MPDZ: variants seen among roughly 807,000 people sequenced by gnomAD.
MPDZ encodes the protein multiple PDZ domain crumbs cell polarity complex component, also known as multiple PDZ domain protein.
MPDZ carries 234 observed loss-of-function variants against 239.1 expected under a neutral mutation model. The observed-to-expected ratio is 0.98, with a 90% CI of 0.88 to 1.09. The LOEUF is 1.09. MPDZ is among the 50% of genes least tolerant of loss of function. MPDZ has a pLI of 0.00. For missense variants in MPDZ, 3,175 were observed against 2,510.0 expected, an observed-to-expected ratio of 1.26 and a Z score of -5.66; for synonymous variants, 1,048 against 881.3, an observed-to-expected ratio of 1.19 and a Z score of -3.35.
intron 7 of MPDZ, among the ~76,000 whole-genome samples, chr9:13,220,820 C>A (rs1397555394): frequency 6.6e-6 from 1 of 151,890 alleles, no homozygotes; most frequent in African/African-American, 2.4e-5. Flanking sequence ...AGATATAAAT[C>A]ATAACAAATG....
chr9:13,190,761 A>C (rs1219977253), intron 15 of MPDZ, among the ~76,000 whole-genome samples: 1 of 152,168 alleles, frequency 6.6e-6, no homozygotes, highest in Non-Finnish European at 1.5e-5. Flanking sequence ...GCATATGGTT[A>C]TTTCATTAAC....
chr9:13,220,492 T>C (rs994187227), intron 7 of MPDZ, among the ~76,000 whole-genome samples: 30 of 152,004 alleles, frequency 2.0e-4, no homozygotes, highest in African/African-American at 6.8e-4. Flanking sequence ...AGCTACAATA[T>C]TGAAGAGTGC....
chr9:13,223,007 A>C (rs1369398415), intron 5 of MPDZ, among the ~76,000 whole-genome samples: 2 of 152,138 alleles, frequency 1.3e-5, no homozygotes, highest in Non-Finnish European at 2.9e-5. Context: ...TTAAAAATAC[A>C]ATATGACTAC....
intron 1 of MPDZ, among the ~76,000 whole-genome samples, chr9:13,272,386 C>T (rs895754079): frequency 3.3e-5 from 5 of 151,970 alleles, no homozygotes; most frequent in South Asian, 2.1e-4. Flanking sequence ...TAGTCTAACC[C>T]GATATATATT....
At chr9:13,121,267 C>T (rs1431361501) in intron 38 of MPDZ, among the ~76,000 whole-genome samples, 1 of 152,066 alleles carries the variant, frequency 6.6e-6, no homozygotes, top group South Asian at 2.1e-4. Context: ...GCTCAGACAC[C>T]TTTTTTCTTG....
At chr9:13,115,593 A>G (rs1318594465) in intron 39 of MPDZ, among the ~76,000 whole-genome samples, 1 of 152,126 alleles carries the variant, frequency 6.6e-6, no homozygotes, top group Non-Finnish European at 1.5e-5. Flanking sequence ...TTGTACCAAA[A>G]AGAAATGGAG....
intron 8 of MPDZ, among the ~76,000 whole-genome samples, chr9:13,217,607 G>A (rs914872253): frequency 6.6e-6 from 1 of 151,754 alleles, no homozygotes; most frequent in Admixed American, 6.6e-5. Flanking sequence ...TTTCAGAGAT[G>A]GCTCATCTTA....
chr9:13,110,774 A>T (rs1174909931), intron 43 of MPDZ, 34 bp from the exon 44 acceptor site: 5 of 1,547,850 alleles, frequency 3.2e-6, no homozygotes, highest in Middle Eastern at 1.7e-4. Context: ...CCATCTGCTA[A>T]AGCAGCCATG....
chr9:13,172,517 G>A (rs998396968), intron 21 of MPDZ, among the ~76,000 whole-genome samples: 7 of 151,676 alleles, frequency 4.6e-5, no homozygotes, highest in Non-Finnish European at 1.0e-4. Context: ...TGAGTAGCTG[G>A]GATTACAGGT....
chr9:13,158,859 C>T (rs952423725), intron 23 of MPDZ, among the ~76,000 whole-genome samples: 5 of 152,116 alleles, frequency 3.3e-5, no homozygotes, highest in Non-Finnish European at 5.9e-5. Context: ...CAAAGGAATA[C>T]TTTGTATCAA....
At chr9:13,217,507 A>G (rs1201473635) in intron 8 of MPDZ, among the ~76,000 whole-genome samples, 1 of 151,902 alleles carries the variant, frequency 6.6e-6, no homozygotes, top group Non-Finnish European at 1.5e-5. Flanking sequence ...TCAGGCAGGA[A>G]TAAGGTTGAA....
At chr9:13,155,010 A>C (rs1306026712) in intron 24 of MPDZ, among the ~76,000 whole-genome samples, 1 of 152,114 alleles carries the variant, frequency 6.6e-6, no homozygotes, top group Non-Finnish European at 1.5e-5. Context: ...TGAGGTCAAG[A>C]AATCGAGACC....
intron 3 of MPDZ, among the ~76,000 whole-genome samples, chr9:13,224,839 T>C (rs1960019975): frequency 6.6e-6 from 1 of 152,112 alleles, no homozygotes; most frequent in African/African-American, 2.4e-5. Context: ...AGGGTTCAAC[T>C]TCAGGGTACT....
rs780324349 is a variant in MPDZ, at chr9:13,183,490, A to C, written c.2577T>G (p.Ile859Met). The change falls in exon 19 of 47, where the codon ATT (isoleucine) becomes ATG (methionine). Residue 859 changes from isoleucine to methionine, a missense_variant. Ile to Met is a conservative substitution (Grantham distance 10). Transcript: ENST00000319217. ...NDSIYSTQAS[I>M]LSLHGSSCGD... ...CACAAGAACTGCCATGAAGAGATAA[A>C]ATAGAGGCTTGAGTAGAGTAGATGC... 5 of 1,612,530 alleles carry C rather than the reference A, an allele frequency of 3.1e-6. No homozygotes were observed. The Admixed American group carries it at 6.7e-5, about 22-fold the overall frequency.
chr9:13,123,491 C>G (rs1049535288), intron 35 of MPDZ, among the ~76,000 whole-genome samples, 193 bp from the exon 36 acceptor site: 3 of 151,970 alleles, frequency 2.0e-5, no homozygotes, highest in African/African-American at 7.3e-5. Context: ...GATTAAATCA[C>G]CATTGTTAAT....
chr9:13,151,617 G>C (rs534458067), intron 24 of MPDZ, among the ~76,000 whole-genome samples: 120 of 152,144 alleles, frequency 7.9e-4, no homozygotes, highest in South Asian at 1.4e-3. Flanking sequence ...AAGTAGAATG[G>C]TGGTTGCCTG....
chr9:13,197,698 T>C (rs1451927472), intron 12 of MPDZ, among the ~76,000 whole-genome samples: 1 of 152,066 alleles, frequency 6.6e-6, no homozygotes, highest in Non-Finnish European at 1.5e-5. Context: ...CTAGAACTTA[T>C]TCCTTCTAGT....
chr9:13,225,730 A>G (rs1960368246), intron 3 of MPDZ, among the ~76,000 whole-genome samples: 1 of 152,102 alleles, frequency 6.6e-6, no homozygotes, highest in Non-Finnish European at 1.5e-5. Flanking sequence ...GTGGTAGGCT[A>G]TATCACCAAG....
At chr9:13,155,794 C>G (rs766017751) in intron 24 of MPDZ, among the ~76,000 whole-genome samples, 5 of 152,108 alleles carry the variant, frequency 3.3e-5, no homozygotes, top group Non-Finnish European at 4.4e-5. Flanking sequence ...TCTGGTTACT[C>G]CATTAAGCTT....
Sources: gnomAD v4.1 joint callset for allele counts (sites outside exome capture counted in the v4.1 genomes callset) on GRCh38, gnomAD v4.1.1 for gene constraint, MANE v1.5 for transcripts, NCBI Gene and HGNC (gene_info 2026-07-23, HGNC 2026-07-21) for gene names.